Variants in XRCC4 observed in about 807,000 individuals in gnomAD.
XRCC4 encodes DNA repair protein XRCC4.
XRCC4 carries 28 observed loss-of-function variants against 39.1 expected under a neutral mutation model. The ratio of observed to expected loss-of-function variants is 0.72; its 90% CI spans 0.53 to 0.98. The LOEUF (loss-of-function observed/expected upper bound fraction) is 0.98. Ranked by LOEUF, XRCC4 falls within the 50% of genes least tolerant of loss-of-function variation. XRCC4 has a pLI of 0.00. For missense variants in XRCC4, 350 were observed against 376.4 expected (o/e 0.93, Z 0.58); for synonymous variants, 123 against 126.4 (o/e 0.97, Z 0.18).
intron 1 of XRCC4, among the ~76,000 whole-genome samples, chr5:83,096,552 C>T (rs1203218687): frequency 6.6e-6 from 1 of 152,032 alleles, no homozygotes; most frequent in Non-Finnish European, 1.5e-5. Context: ...AAGTTTGTAC[C>T]CTCAAAATGG....
chr5:83,315,749 A>G (rs1232928490), intron 7 of XRCC4, among the ~76,000 whole-genome samples: 1 of 152,120 alleles, frequency 6.6e-6, no homozygotes, highest in Non-Finnish European at 1.5e-5. Context: ...GCTCAGAAAA[A>G]AAGATTCCTT....
At chr5:83,087,950 A>G (rs940110109) in intron 1 of XRCC4, among the ~76,000 whole-genome samples, 1 of 152,188 alleles carries the variant, frequency 6.6e-6, no homozygotes, top group Non-Finnish European at 1.5e-5. Context: ...AATTGAATTT[A>G]ATAATATACA....
intron 3 of XRCC4, among the ~76,000 whole-genome samples, chr5:83,134,470 C>G (rs1580270828): frequency 2.6e-5 from 4 of 152,308 alleles, no homozygotes; most frequent in African/African-American, 9.6e-5. Context: ...CCCTCTGTTT[C>G]TAGCTAAAGG....
At chr5:83,103,136 G>T (rs888436096) in intron 1 of XRCC4, among the ~76,000 whole-genome samples, 3 of 150,912 alleles carry the variant, frequency 2.0e-5, no homozygotes, top group African/African-American at 7.3e-5. Flanking sequence ...TGTTTATAAG[G>T]TTTATTTAAA....
chr5:83,144,565 C>A (rs1290664933), intron 3 of XRCC4, among the ~76,000 whole-genome samples: 2 of 94,032 alleles, frequency 2.1e-5, no homozygotes, highest in Non-Finnish European at 4.1e-5. Flanking sequence ...CCCCCCCCCC[C>A]ACCCCCACGG....
At chr5:83,288,930 T>C (rs1465869177) in intron 7 of XRCC4, among the ~76,000 whole-genome samples, 1 of 151,930 alleles carries the variant, frequency 6.6e-6, no homozygotes, top group Non-Finnish European at 1.5e-5. Flanking sequence ...CTTTTGAAAT[T>C]GTCTAACAGT....
At chr5:83,151,620 T>C (rs1269642851) in intron 3 of XRCC4, among the ~76,000 whole-genome samples, 1 of 152,136 alleles carries the variant, frequency 6.6e-6, no homozygotes, top group Non-Finnish European at 1.5e-5. Flanking sequence ...GTTCCCATAA[T>C]ATAATAGCCA....
intron 7 of XRCC4, among the ~76,000 whole-genome samples, chr5:83,267,460 A>T (rs1462712860): frequency 6.6e-6 from 1 of 152,156 alleles, no homozygotes; most frequent in Non-Finnish European, 1.5e-5. Context: ...TGGCCATGTG[A>T]CAAAGCCATT....
chr5:83,129,482 C>G (rs576981667), intron 3 of XRCC4, among the ~76,000 whole-genome samples: 31 of 152,088 alleles, frequency 2.0e-4, no homozygotes, highest in African/African-American at 7.5e-4. Context: ...TCCATATGAA[C>G]TTTAAAGTAG....
At chr5:83,229,841 G>C (rs1168403345) in intron 6 of XRCC4, among the ~76,000 whole-genome samples, 1 of 151,498 alleles carries the variant, frequency 6.6e-6, no homozygotes, top group South Asian at 2.1e-4. Flanking sequence ...TTGAATGTTT[G>C]CATTATTAGA....
At chr5:83,219,122 C>T (rs552124684) in intron 6 of XRCC4, among the ~76,000 whole-genome samples, 19 of 152,208 alleles carry the variant, frequency 1.2e-4, no homozygotes, top group Admixed American at 2.6e-4. Flanking sequence ...ATCAAATTTT[C>T]TTCCTTCTAT....
intron 3 of XRCC4, among the ~76,000 whole-genome samples, chr5:83,113,939 A>C (rs961265821): frequency 5.9e-5 from 9 of 152,142 alleles, no homozygotes; most frequent in Non-Finnish European, 8.8e-5. Context: ...ACATTTCTAT[A>C]CATCATCTGA....
intron 7 of XRCC4, among the ~76,000 whole-genome samples, chr5:83,265,586 G>T (rs1753926276): frequency 6.6e-6 from 1 of 152,110 alleles, no homozygotes; most frequent in Non-Finnish European, 1.5e-5. Context: ...AATAAAGATT[G>T]ATCATATGCA....
Position 83,340,944 on chromosome 5 carries a change from G to A in XRCC4, c.894-12187G>A, listed in dbSNP as rs536484600. The stretch of plus-strand genomic sequence containing the variant: ...TCTTGATAGCTAAAAGTAGAGTTCT[G>A]TTTTCTTTTTTGTGTATTTCTGTTT... On this transcript the variant is annotated intron_variant, in intron 7 of 7. Coordinates refer to ENST00000396027, the MANE Select transcript of XRCC4 (RefSeq NM_003401.5). 5.9e-5 allele frequency among the ~76,000 whole-genome samples: 9 copies of A among 152,126 alleles called. No individual in the cohort carries two copies. The South Asian group carries it at 1.9e-3, about 32-fold the overall frequency.
intron 6 of XRCC4, among the ~76,000 whole-genome samples, chr5:83,257,372 C>T (rs141278028): frequency 4.0e-5 from 6 of 150,116 alleles, no homozygotes; most frequent in South Asian, 2.1e-4. Flanking sequence ...AAAAAGTGGC[C>T]GAAGGATATG....
rs762444900 is a variant in XRCC4, at chr5:83,111,232, A to G, written c.315+29A>G. 3 of 1,528,268 alleles carry G rather than the reference A, an allele frequency of 2.0e-6. No homozygotes were observed. In the South Asian group the frequency reaches 3.7e-5, roughly 19 times the overall value. The allele number at this position is 1,528,268 out of a possible 1,614,324, so 94.7% of individuals were successfully genotyped here. A position where few individuals can be genotyped will look rare whatever the true frequency, so the allele number is the denominator to read the frequency against. On this transcript the variant is annotated intron_variant, in intron 3 of 7. Coordinates refer to ENST00000396027, the MANE Select transcript of XRCC4 (RefSeq NM_003401.5). ...AGTAAAACTTTCCAAAATGTTACATAGTAAAATGTCAGAGCATTTATTGAG... is the reference window on the plus strand; with the variant it reads ...AGTAAAACTTTCCAAAATGTTACATGGTAAAATGTCAGAGCATTTATTGAG...
intron 3 of XRCC4, among the ~76,000 whole-genome samples, chr5:83,131,149 C>T (rs1747556392): frequency 6.6e-6 from 1 of 152,162 alleles, no homozygotes; most frequent in South Asian, 2.1e-4. Flanking sequence ...AAATGTGTCC[C>T]AGAGATTCTG....
intron 6 of XRCC4, among the ~76,000 whole-genome samples, chr5:83,246,700 T>C (rs1753115145): frequency 6.6e-6 from 1 of 152,194 alleles, no homozygotes; most frequent in Non-Finnish European, 1.5e-5. Flanking sequence ...TGTTTCTTAT[T>C]TAGGTAGTCT....
At chr5:83,321,602 C>T (rs932505148) in intron 7 of XRCC4, among the ~76,000 whole-genome samples, 3 of 152,194 alleles carry the variant, frequency 2.0e-5, no homozygotes, top group Middle Eastern at 3.4e-3. Context: ...TTAATCTCAG[C>T]ATACTATGAA....
Sources: gnomAD v4.1 joint callset for allele counts (sites outside exome capture counted in the v4.1 genomes callset) on GRCh38, gnomAD v4.1.1 for gene constraint, MANE v1.5 for transcripts, NCBI Gene and HGNC (gene_info 2026-07-23, HGNC 2026-07-21) for gene names.